Variants in C3orf70 observed in about 807,000 individuals in gnomAD.
The protein encoded by C3orf70 is chromosome 3 open reading frame 70, also known as UPF0524 protein C3orf70.
In C3orf70, 15 loss-of-function variants were observed where a neutral mutation model predicts 20.7. The observed-to-expected ratio is 0.72, with a 90% CI of 0.48 to 1.11. The LOEUF (loss-of-function observed/expected upper bound fraction) is 1.11. C3orf70 is among the 50% of genes most tolerant of loss of function. The pLI, the probability that C3orf70 is intolerant of heterozygous loss-of-function variation, is 0.00. For missense variants in C3orf70, 332 were observed against 317.6 expected (o/e 1.05, Z -0.34); for synonymous variants, 161 against 125.7 (o/e 1.28, Z -1.88).
At chr3:185,100,648 A>G (rs1303755198) in intron 1 of C3orf70, among the ~76,000 whole-genome samples, 2 of 152,172 alleles carry the variant, frequency 1.3e-5, no homozygotes, top group Admixed American at 6.5e-5. Flanking sequence ...ACCAAGAGCA[A>G]GCCAATCCCA....
At chr3:185,142,056 T>C (rs1370956834) in intron 1 of C3orf70, among the ~76,000 whole-genome samples, 2 of 152,128 alleles carry the variant, frequency 1.3e-5, no homozygotes, top group African/African-American at 2.4e-5. Flanking sequence ...TGTTGAGATA[T>C]ATGAAAAAGA....
At chr3:185,106,949 A>G (rs757571353) in intron 1 of C3orf70, among the ~76,000 whole-genome samples, 9 of 152,350 alleles carry the variant, frequency 5.9e-5, no homozygotes, top group African/African-American at 7.2e-5. Context: ...GACAGTGTAT[A>G]GCACAGCTCC....
chr3:185,083,341 T>A lies in C3orf70; in HGVS notation c.419A>T (p.Asn140Ile), dbSNP rs1473408079. Reference protein sequence around the residue: ...FIDNYQVKCINGKMCYVQKQP... With the variant: ...FIDNYQVKCIIGKMCYVQKQP... ...CTTCTGCACATAACACATCTTCCCA[T>A]TAATACATTTAACCTGATAGTTGTC... The change falls in exon 2 of 2, where the codon AAT becomes ATT. Residue 140 changes from asparagine (N) to isoleucine (I), a missense_variant. Transcript: ENST00000335012. 1 of 1,614,164 alleles carries A rather than the reference T, an allele frequency of 6.2e-7. No homozygotes were observed. Among genetic ancestry groups the A allele is most frequent in the Admixed American group, 1.7e-5 (1 of 60,026 alleles).
At chr3:185,145,728 C>A (rs930748240) in intron 1 of C3orf70, among the ~76,000 whole-genome samples, 1 of 152,166 alleles carries the variant, frequency 6.6e-6, no homozygotes, top group African/African-American at 2.4e-5. Flanking sequence ...TGACCTTGGG[C>A]AAATTTCCTA....
chr3:185,110,060 A>G (rs1716038388), intron 1 of C3orf70, among the ~76,000 whole-genome samples: 1 of 152,240 alleles, frequency 6.6e-6, no homozygotes, highest in African/African-American at 2.4e-5. Flanking sequence ...AATGATAAAA[A>G]GTATGACAAG....
chr3:185,135,271 G>A (rs1205069196), intron 1 of C3orf70, among the ~76,000 whole-genome samples: 1 of 152,060 alleles, frequency 6.6e-6, no homozygotes, highest in Admixed American at 6.6e-5. Context: ...CACACTTCAA[G>A]CAAATGAAAC....
intron 1 of C3orf70, among the ~76,000 whole-genome samples, chr3:185,106,024 C>T (rs955865485): frequency 6.6e-6 from 1 of 152,184 alleles, no homozygotes; most frequent in South Asian, 2.1e-4. Flanking sequence ...TATCCTTCTG[C>T]ACCCCCTCAT....
chr3:185,097,743 G>A (rs186573093), intron 1 of C3orf70, among the ~76,000 whole-genome samples: 258 of 152,310 alleles, frequency 1.7e-3, no homozygotes, highest in African/African-American at 6.0e-3. Flanking sequence ...TATAACGCAT[G>A]TGGAACACAG....
At chr3:185,095,739 T>A (rs1715687180) in intron 1 of C3orf70, among the ~76,000 whole-genome samples, 1 of 137,706 alleles carries the variant, frequency 7.3e-6, no homozygotes. Context: ...CTGAAACTTT[T>A]TTTTTTTTTT....
intron 1 of C3orf70, among the ~76,000 whole-genome samples, chr3:185,090,940 T>G (rs552099671): frequency 4.6e-5 from 7 of 152,302 alleles, no homozygotes; most frequent in African/African-American, 1.4e-4. Context: ...GTATAACTTC[T>G]TTAGTGTGGC....
chr3:185,115,954 T>C (rs910231280), intron 1 of C3orf70, among the ~76,000 whole-genome samples: 4 of 152,036 alleles, frequency 2.6e-5, no homozygotes, highest in East Asian at 1.9e-4. Flanking sequence ...AACCATCACA[T>C]TGGGGATTAG....
intron 1 of C3orf70, among the ~76,000 whole-genome samples, chr3:185,104,812 C>T (rs1399715711): frequency 6.6e-6 from 1 of 152,022 alleles, no homozygotes; most frequent in Non-Finnish European, 1.5e-5. Context: ...ACACTGCATA[C>T]CAGAAGGTGG....
intron 1 of C3orf70, among the ~76,000 whole-genome samples, chr3:185,097,538 G>A (rs1406563772): frequency 6.6e-6 from 1 of 152,196 alleles, no homozygotes; most frequent in Non-Finnish European, 1.5e-5. Flanking sequence ...TGTGAATCCA[G>A]TCTTCATAAT....
intron 1 of C3orf70, among the ~76,000 whole-genome samples, chr3:185,109,919 C>T (rs141041788): frequency 2.6e-5 from 4 of 152,300 alleles, no homozygotes; most frequent in African/African-American, 9.6e-5. Context: ...AGAGGTGCTA[C>T]ACAACGATTC....
intron 1 of C3orf70, among the ~76,000 whole-genome samples, chr3:185,138,344 C>A (rs900588137): frequency 1.3e-5 from 2 of 151,822 alleles, no homozygotes; most frequent in Non-Finnish European, 2.9e-5. Flanking sequence ...AAATTTAATA[C>A]CAGTTCTGCA....
At chr3:185,151,354 T>C (rs1042993516) in intron 1 of C3orf70, among the ~76,000 whole-genome samples, 1 of 152,218 alleles carries the variant, frequency 6.6e-6, no homozygotes, top group African/African-American at 2.4e-5. Flanking sequence ...GTCCAGATTC[T>C]ACTTGTGCAC....
At chr3:185,132,076 A>C (rs1716533069) in intron 1 of C3orf70, among the ~76,000 whole-genome samples, 1 of 152,184 alleles carries the variant, frequency 6.6e-6, no homozygotes, top group Non-Finnish European at 1.5e-5. Context: ...GTTTAGTCTA[A>C]AGCAATCCTG....
chr3:185,093,866 T>C (rs1715644047), intron 1 of C3orf70, among the ~76,000 whole-genome samples: 1 of 151,974 alleles, frequency 6.6e-6, no homozygotes, highest in African/African-American at 2.4e-5. Flanking sequence ...TCTCTTTACC[T>C]AGATACAGTC....
At chr3:185,126,076 AAAAAG>A (rs1716404844) in intron 1 of C3orf70, among the ~76,000 whole-genome samples, 1 of 152,222 alleles carries the variant, frequency 6.6e-6, no homozygotes, top group Non-Finnish European at 1.5e-5. Context: ...TGACTTTTTA[AAAAAG>A]AAAAGGATCA....
Sources: allele counts gnomAD v4.1 joint callset (sites outside exome capture counted in the v4.1 genomes callset), GRCh38; gene constraint gnomAD v4.1.1; transcripts MANE v1.5; gene names NCBI Gene and HGNC (gene_info 2026-07-23, HGNC 2026-07-21).